Variants in RPA1 observed in about 807,000 individuals in gnomAD.
The protein encoded by RPA1 is replication protein A 70 kDa DNA-binding subunit.
RPA1 carries 49 observed loss-of-function variants against 83.0 expected under a neutral mutation model. The ratio of observed to expected loss-of-function variants is 0.59; its 90% confidence interval spans 0.47 to 0.75. RPA1 has a LOEUF of 0.75. RPA1 is among the 30% of genes least tolerant of loss of function. RPA1 has a pLI of 0.00. For missense variants in RPA1, 693 were observed against 776.1 expected, an observed-to-expected ratio of 0.89 and a Z score of 1.27; for synonymous variants, 279 against 281.8, an observed-to-expected ratio of 0.99 and a Z score of 0.10.
In RPA1 at chr17:1,858,186, G is replaced by C. The variant is rs558064219; in HGVS notation, c.361+4997G>C. 3.8e-5 allele frequency: 62 copies of C among 1,613,930 alleles called. No individual in the cohort carries two copies. The Admixed American group carries it at 1.0e-3, about 27-fold the overall frequency. ...TCCAGGTATGATACATGAGAGGGAA[G>C]ACGAGTGCAAACTTAGCTGTGTGGA... On this transcript the variant is annotated intron_variant, in intron 5 of 16. Transcript: ENST00000254719.
At chr17:1,839,794 T>TG (rs1254164607) in intron 1 of RPA1, among the ~76,000 whole-genome samples, 27 of 134,708 alleles carry the variant, frequency 2.0e-4, no homozygotes, top group African/African-American at 7.9e-4. Flanking sequence ...GCTAGTTTTT[T>TG]TTTTTTTTTT....
intron 5 of RPA1, among the ~76,000 whole-genome samples, chr17:1,869,996 G>T (rs1329663444): frequency 6.6e-6 from 1 of 152,070 alleles, no homozygotes; most frequent in African/African-American, 2.4e-5. Context: ...AGAATTGGTC[G>T]TTCACAGTTA....
chr17:1,844,441 C>A, intron 3 of RPA1, 137 bp from the exon 4 acceptor site: 1 of 610,888 alleles, frequency 1.6e-6, no homozygotes, highest in Non-Finnish European at 2.9e-6. Flanking sequence ...CACAGTTTTT[C>A]ACTCTGCAGA....
chr17:1,880,471 T>C, intron 11 of RPA1, 72 bp from the exon 12 acceptor site: 1 of 1,535,086 alleles, frequency 6.5e-7, no homozygotes, highest in African/African-American at 1.4e-5. Context: ...AATGTTTGCC[T>C]TGTTTTCTAT....
At chr17:1,888,889 C>A in intron 14 of RPA1, 38 bp downstream of exon 14, 1 of 1,588,362 alleles carries the variant, frequency 6.3e-7, no homozygotes, top group South Asian at 1.1e-5. Flanking sequence ...CGGTTGTGTT[C>A]ACGGAGGCCC....
Position 1,830,144 on chromosome 17 carries a change from GC to G in RPA1, c.33+19del. 8.0e-7 allele frequency: 1 copy of G among 1,243,070 alleles called. No individual in the cohort carries two copies. Among genetic ancestry groups the G allele is most frequent in the African/African-American group, 1.6e-5 (1 of 64,510 alleles). The allele number at this position is 1,243,070 out of a possible 1,614,324, so 77.0% of individuals were successfully genotyped here. On this transcript the variant is annotated intron_variant, in intron 1 of 16. Transcript: ENST00000254719. ...CCATTGCGGTGAGGAGGTGCCGGGG[GC>G]TGGGCCGGCGGTCCGGGGTGGCTGC...
intron 4 of RPA1, among the ~76,000 whole-genome samples, chr17:1,851,516 C>G (rs1912496729): frequency 6.6e-6 from 1 of 152,146 alleles, no homozygotes; most frequent in African/African-American, 2.4e-5. Context: ...TCCTTGTCAT[C>G]TGTATTCTCT....
At chr17:1,875,594 A>G (rs938723537) in intron 6 of RPA1, 67 bp from the exon 7 acceptor site, 69 of 1,522,028 alleles carry the variant, frequency 4.5e-5, no homozygotes, top group Non-Finnish European at 5.9e-5. Context: ...GAGTTATTGT[A>G]AAGCTTACTA....
chr17:1,858,551 C>T, intron 5 of RPA1: 2 of 684,272 alleles, frequency 2.9e-6, no homozygotes, highest in Non-Finnish European at 5.2e-6. Context: ...GCAGCCTCCG[C>T]CTCCCGGGTT....
chr17:1,848,002 C>A (rs950042968), intron 4 of RPA1, among the ~76,000 whole-genome samples: 10 of 127,056 alleles, frequency 7.9e-5, no homozygotes, highest in African/African-American at 2.5e-4. Context: ...AGAGCAAGAC[C>A]CCATCTCCAA....
chr17:1,856,578 C>T (rs996863468), intron 5 of RPA1, among the ~76,000 whole-genome samples: 3 of 151,912 alleles, frequency 2.0e-5, no homozygotes, highest in African/African-American at 4.8e-5. Context: ...CCAGCTGGGC[C>T]GACAGAATGA....
intron 5 of RPA1, among the ~76,000 whole-genome samples, chr17:1,855,331 TTGTGTGTGTGTG>T (rs141755840): frequency 2.9e-5 from 2 of 68,228 alleles, no homozygotes; most frequent in South Asian, 1.2e-3. Flanking sequence ...CCGGCTAAAA[TTGTGTGTGTGTG>T]TGTGTGTGTG....
chr17:1,836,795 G>C (rs1911842101), intron 1 of RPA1, among the ~76,000 whole-genome samples: 1 of 151,228 alleles, frequency 6.6e-6, no homozygotes, highest in African/African-American at 2.4e-5. Context: ...CTGAGTAGCT[G>C]GGACTACAAG....
At chr17:1,857,065 A>G (rs1375675241) in intron 5 of RPA1, among the ~76,000 whole-genome samples, 2 of 152,008 alleles carry the variant, frequency 1.3e-5, no homozygotes, top group African/African-American at 2.4e-5. Context: ...TTTTTTTCTA[A>G]CATAGGCATG....
intron 5 of RPA1, among the ~76,000 whole-genome samples, chr17:1,869,621 C>T (rs1913307283): frequency 6.6e-6 from 1 of 152,106 alleles, no homozygotes; most frequent in Non-Finnish European, 1.5e-5. Context: ...AGTCTGAGAA[C>T]CATGATGTTG....
intron 2 of RPA1, 30 bp from the exon 3 acceptor site, chr17:1,843,890 C>G (rs1912154954): frequency 6.2e-7 from 1 of 1,602,276 alleles, no homozygotes; most frequent in African/African-American, 1.3e-5. Flanking sequence ...GGCAGACAAC[C>G]TGGCTAATGA....
chr17:1,872,335 A>T, intron 5 of RPA1, 99 bp from the exon 6 acceptor site: 1 of 1,509,376 alleles, frequency 6.6e-7, no homozygotes, highest in South Asian at 1.2e-5. Context: ...TTGACAAAAT[A>T]AAAAATTTAC....
At chr17:1,844,508 G>T (rs1225083988) in intron 3 of RPA1, 70 bp from the exon 4 acceptor site, 6 of 1,196,864 alleles carry the variant, frequency 5.0e-6, no homozygotes, top group Non-Finnish European at 7.3e-6. Context: ...TGCTAGCACA[G>T]GTATGAGTAG....
chr17:1,881,456 G>T (rs1913794398), intron 12 of RPA1, among the ~76,000 whole-genome samples: 1 of 152,112 alleles, frequency 6.6e-6, no homozygotes, highest in East Asian at 1.9e-4. Flanking sequence ...AATGGCACTG[G>T]TGTTTGACCA....
Sources: gnomAD v4.1 joint callset for allele counts (sites outside exome capture counted in the v4.1 genomes callset) on GRCh38, gnomAD v4.1.1 for gene constraint, MANE v1.5 for transcripts, NCBI Gene and HGNC (gene_info 2026-07-23, HGNC 2026-07-21) for gene names.